ABCA8: variants seen among roughly 807,000 people sequenced by gnomAD.
ABCA8 encodes ABC-type organic anion transporter ABCA8.
ABCA8 carries 177 observed loss-of-function variants against 192.3 expected under a neutral mutation model. The observed-to-expected ratio is 0.92, with a 90% CI of 0.81 to 1.04. The LOEUF (loss-of-function observed/expected upper bound fraction) is 1.04, where lower values mean the gene tolerates loss of function less well. ABCA8 is among the 50% of genes least tolerant of loss of function. The pLI is 0.00. For missense variants in ABCA8, 1,915 were observed against 1,904.8 expected, an observed-to-expected ratio of 1.01 and a Z score of -0.10; for synonymous variants, 642 against 690.2, an observed-to-expected ratio of 0.93 and a Z score of 1.09.
chr17:68,953,356 C>A (rs991025586), intron 1 of ABCA8, among the ~76,000 whole-genome samples: 1 of 152,206 alleles, frequency 6.6e-6, no homozygotes, highest in African/African-American at 2.4e-5. Flanking sequence ...CTATGAACTC[C>A]TCCATAGTGA....
intron 10 of ABCA8, among the ~76,000 whole-genome samples, chr17:68,927,628 G>A (rs1237838408): frequency 6.6e-6 from 1 of 151,512 alleles, no homozygotes; most frequent in East Asian, 1.9e-4. Flanking sequence ...GAACTGTTTA[G>A]GAACTAGCTT....
At chr17:68,947,139 T>C (rs2068433624) in intron 2 of ABCA8, among the ~76,000 whole-genome samples, 2 of 152,248 alleles carry the variant, frequency 1.3e-5, no homozygotes, top group South Asian at 4.1e-4. Flanking sequence ...TACTATTGCA[T>C]TAAATTTATT....
chr17:68,898,642 T>C (rs1303005419), intron 21 of ABCA8, among the ~76,000 whole-genome samples: 5 of 152,142 alleles, frequency 3.3e-5, no homozygotes, highest in African/African-American at 7.2e-5. Flanking sequence ...TATAATTTTA[T>C]TGTTGAGGCG....
Position 68,944,316 on chromosome 17 carries a change from TTATATATATATATATATA to T in ABCA8, c.-5-2295_-5-2278del, listed in dbSNP as rs1177610587. Among the ~76,000 whole-genome samples the T allele has an allele frequency of 2.3e-3, 66 of 29,296 alleles. 3 individuals are homozygous for T. The highest frequency in any genetic ancestry group is 4.7e-3 in the East Asian group (6 of 1,270). 19.2% of individuals were successfully genotyped at this position (29,296 alleles called of 152,430 possible). ...AGCACATGTAGCCCAGAACTTAAAG[TTATATATATATATATATA>T]TATATATATATATATATATATATAT... On this transcript the variant is annotated intron_variant, in intron 2 of 39. Transcript: ENST00000586539.
intron 24 of ABCA8, among the ~76,000 whole-genome samples, chr17:68,887,918 A>AT (rs1346316050): frequency 0.071 from 1,967 of 27,734 alleles, 85 homozygotes; most frequent in East Asian, 0.36. Context: ...CCATATATAT[A>AT]TATATATTAT....
intron 17 of ABCA8, among the ~76,000 whole-genome samples, chr17:68,909,921 A>G (rs2067189923): frequency 6.6e-6 from 1 of 152,226 alleles, no homozygotes; most frequent in Non-Finnish European, 1.5e-5. Context: ...TAAAATATGG[A>G]TTTGACTACT....
At chr17:68,951,670 C>CT (rs1228403839) in intron 1 of ABCA8, among the ~76,000 whole-genome samples, 2 of 150,250 alleles carry the variant, frequency 1.3e-5, no homozygotes, top group African/African-American at 5.0e-5. Context: ...TAAAACATTG[C>CT]TTTTTTATGT....
intron 5 of ABCA8, among the ~76,000 whole-genome samples, chr17:68,935,357 T>C (rs1183037420): frequency 6.6e-6 from 1 of 151,306 alleles, no homozygotes; most frequent in Non-Finnish European, 1.5e-5. Flanking sequence ...GCTCAGGCAA[T>C]CTGCCCGGCT....
At chr17:68,874,470 A>C (rs1012600389) in intron 37 of ABCA8, among the ~76,000 whole-genome samples, 3 of 152,206 alleles carry the variant, frequency 2.0e-5, no homozygotes, top group African/African-American at 4.8e-5. Context: ...GAAGATTTAC[A>C]TTTCATTTCA....
chr17:68,880,388 G>A (rs1027327296), intron 32 of ABCA8: 2 of 152,208 alleles, frequency 1.3e-5, no homozygotes, highest in African/African-American at 2.4e-5. Context: ...CTGGACATGG[G>A]ACAAGAGCTC....
intron 7 of ABCA8, among the ~76,000 whole-genome samples, chr17:68,930,183 C>T (rs983284394): frequency 6.6e-6 from 1 of 152,114 alleles, no homozygotes; most frequent in Admixed American, 6.5e-5. Flanking sequence ...TACAGGGTAG[C>T]CCCTCAGTGA....
At chr17:68,917,019 CA>C (rs1323373574) in intron 17 of ABCA8, among the ~76,000 whole-genome samples, 1 of 152,140 alleles carries the variant, frequency 6.6e-6, no homozygotes, top group Non-Finnish European at 1.5e-5. Flanking sequence ...CCTATAATCC[CA>C]GCACTTTGGG....
At position 68,869,140 on chromosome 17, in the gene ABCA8, A is replaced by G. The variant is rs1453126235; in HGVS notation, c.4711+560T>C. 2.6e-5 allele frequency among the ~76,000 whole-genome samples: 4 copies of G among 152,200 alleles called. No homozygotes were observed. In the East Asian group the frequency reaches 7.7e-4, roughly 29 times the overall value. On this transcript the variant is annotated intron_variant, in intron 38 of 39. Coordinates refer to ENST00000586539, the MANE Select transcript of ABCA8 (RefSeq NM_001288985.2). ...AGCAAAGATATATCACTGAGCAGTG[A>G]CAATGAAAACAGTATAGCGAGAGAG...
rs2065966288 is a variant in ABCA8 at position 68,868,307 on chromosome 17, C to T, written c.4761G>A (p.Leu1587=). 3 of 1,613,668 alleles carry T rather than the reference C, an allele frequency of 1.9e-6. No homozygotes were observed. The highest frequency in any genetic ancestry group is 2.5e-6 in the Non-Finnish European group (3 of 1,179,686). The change falls in exon 39 of 40, where the codon CTG becomes CTA. Residue 1587 remains leucine (L), a synonymous_variant. Transcript: ENST00000586539. ...LEEYSLSQST[L]EQVFLELSKE... is the part of the protein sequence containing the mutation. ...ATCCCTAAAAATGACCCACCTGCTC[C>T]AGGGTAGACTGTGAGAGGCTGTACT...
chr17:68,887,424 A>T lies in ABCA8; in HGVS notation c.3227T>A (p.Leu1076Gln). 1 of 1,613,934 alleles carries T rather than the reference A, an allele frequency of 6.2e-7. No individual in the cohort carries two copies. Among genetic ancestry groups the T allele is most frequent in the Non-Finnish European group, 8.5e-7 (1 of 1,179,878 alleles). ...WFGQALVDVS[L>Q]YFLVFVFIYL... The stretch of plus-strand genomic sequence containing the variant: ...TATAAAAACGAAGACCAAGAAGTAC[A>T]GGGAAACATCCACCAGCGCCTGCCC... Residue 1076 changes from leucine (L) to glutamine (Q), a missense_variant, in exon 25 of 40, where the codon CTG becomes CAG. Coordinates refer to ENST00000586539, the MANE Select transcript of ABCA8 (RefSeq NM_001288985.2).
intron 17 of ABCA8, among the ~76,000 whole-genome samples, chr17:68,914,144 A>T (rs1221340911): frequency 6.6e-6 from 1 of 152,152 alleles, no homozygotes; most frequent in Non-Finnish European, 1.5e-5. Context: ...TGTAGAAGGA[A>T]CATGTCTCAA....
chr17:68,945,843 C>T (rs982177361), intron 2 of ABCA8, among the ~76,000 whole-genome samples: 4 of 151,690 alleles, frequency 2.6e-5, no homozygotes, highest in Admixed American at 6.6e-5. Context: ...ATATATTATG[C>T]GTGTATGCAC....
At chr17:68,913,223 C>G (rs2067267500) in intron 17 of ABCA8, among the ~76,000 whole-genome samples, 1 of 151,792 alleles carries the variant, frequency 6.6e-6, no homozygotes, top group African/African-American at 2.4e-5. Context: ...ACACAACATG[C>G]CAAAACCTAT....
rs748867428 is a variant in ABCA8, at chr17:68,918,417, T to A, written c.1908+10A>T. ...ACTTTGAATTCACCTGCAAATTCAA[T>A]GTGACTCACCTGAGGATCTCCTAAA... On this transcript the variant is annotated intron_variant, in intron 15 of 39. Transcript: ENST00000586539. 1 of 1,567,152 alleles carries A rather than the reference T, an allele frequency of 6.4e-7. No individual in the cohort carries two copies. The highest frequency in any genetic ancestry group is 8.6e-7 in the Non-Finnish European group (1 of 1,161,356).
Sources: gnomAD v4.1 joint callset for allele counts (sites outside exome capture counted in the v4.1 genomes callset) on GRCh38, gnomAD v4.1.1 for gene constraint, MANE v1.5 for transcripts, NCBI Gene and HGNC (gene_info 2026-07-23, HGNC 2026-07-21) for gene names.